Variants in RDH13 observed in about 807,000 individuals in gnomAD.
RDH13 encodes the protein retinol dehydrogenase 13 (all-trans and 9-cis).
A neutral mutation model predicts 28.3 loss-of-function variants in RDH13; 35 were observed. The ratio of observed to expected loss-of-function variants is 1.24; its 90% CI spans 0.95 to 1.64. The LOEUF (loss-of-function observed/expected upper bound fraction) is 1.64, where lower values mean the gene tolerates loss of function less well. Among genes scored for constraint, RDH13 ranks in the 40% most tolerant of loss-of-function variants. The pLI, the probability that RDH13 is intolerant of heterozygous loss-of-function variation, is 0.00. For synonymous variants in RDH13, 229 were observed against 198.5 expected (o/e 1.15, Z -1.29); for missense variants, 514 against 446.3 (o/e 1.15, Z -1.37).
At chr19:55,066,963 G>C (rs2075974630), upstream of RDH13, among the ~76,000 whole-genome samples, 1 of 152,190 alleles carries the variant, frequency 6.6e-6, no homozygotes, top group South Asian at 2.1e-4. Context: ...CAGATAAGCT[G>C]CCTCCACCAA....
intron 3 of RDH13, among the ~76,000 whole-genome samples, chr19:55,050,033 G>A (rs2075377091): frequency 6.6e-6 from 1 of 151,074 alleles, no homozygotes; most frequent in African/African-American, 2.4e-5. Flanking sequence ...TGTTGCCCAG[G>A]CTGGTCTCAA....
rs2075156354 is a variant in RDH13, at chr19:55,044,966, G to A, written c.*108C>T. 1.1e-5 allele frequency: 9 copies of A among 828,152 alleles called. No individual in the cohort carries two copies. Among genetic ancestry groups the A allele is most frequent in the Non-Finnish European group, 1.3e-5 (7 of 532,762 alleles). 51.3% of individuals were successfully genotyped at this position (828,152 alleles called of 1,614,324 possible). On this transcript the variant is annotated 3_prime_UTR_variant, in exon 7 of 7. Coordinates refer to ENST00000415061, the MANE Select transcript of RDH13 (RefSeq NM_001145971.2). ...AGAACCTACTGCGGGCATGGCGGCC[G>A]CCAGTCCTGGGTCTCCCGGCTCAGG...
At chr19:55,042,253 A>G (rs2075053159), downstream of RDH13, 4 of 152,048 alleles carry the variant, frequency 2.6e-5, no homozygotes, top group South Asian at 8.3e-4. Context: ...GTCCCACGCA[A>G]TGGGGTGTTT....
Position 55,056,693 on chromosome 19 carries a change from G to T in RDH13, c.300C>A (p.Ser100=). 6.2e-7 allele frequency: 1 copy of T among 1,613,978 alleles called. No homozygotes were observed. ...HVNARHLDLA[S]LKSIREFAAK... ...CTGCAAACTCTCGGATAGACTTGAG[G>T]GAAGCCAAGTCCAGGTGCCGGGCGT... The change falls in exon 3 of 7, where the codon TCC becomes TCA. Residue 100 remains serine, a synonymous_variant. Coordinates refer to ENST00000415061, the MANE Select transcript of RDH13 (RefSeq NM_001145971.2).
chr19:55,057,813 ATT>A (rs35480304), intron 2 of RDH13, among the ~76,000 whole-genome samples: 8 of 142,008 alleles, frequency 5.6e-5, no homozygotes, highest in Non-Finnish European at 6.1e-5. Context: ...GTTTATTATT[ATT>A]TTTTTTTTTT....
At chr19:55,052,418 C>G (rs2075476106) in intron 3 of RDH13, among the ~76,000 whole-genome samples, 1 of 151,422 alleles carries the variant, frequency 6.6e-6, no homozygotes, top group Non-Finnish European at 1.5e-5. Context: ...GTGGCGCATG[C>G]CTGTAATCCC....
At chr19:55,041,735 C>T (rs1161453456), downstream of RDH13, 6 of 152,260 alleles carry the variant, frequency 3.9e-5, no homozygotes, top group Non-Finnish European at 8.8e-5. Flanking sequence ...GCAGCCGGAC[C>T]TGTCCTCTGG....
Position 55,045,015 on chromosome 19 carries a change from G to A in RDH13, c.*59C>T. Reference sequence around the variant, plus strand: ...GGTAGTGCCAGGAAGCTGCGGGCATGGCGGACAGCTGTCCTCGGTCTGGAG... The same window carrying A: ...GGTAGTGCCAGGAAGCTGCGGGCATAGCGGACAGCTGTCCTCGGTCTGGAG... On this transcript the variant is annotated 3_prime_UTR_variant, in exon 7 of 7. Coordinates refer to ENST00000415061, the MANE Select transcript of RDH13 (RefSeq NM_001145971.2). 7.7e-7 allele frequency: 1 copy of A among 1,294,970 alleles called. No individual in the cohort carries two copies. Among genetic ancestry groups the A allele is most frequent in the Non-Finnish European group, 1.1e-6 (1 of 929,346 alleles). 80.2% of individuals were successfully genotyped at this position (1,294,970 alleles called of 1,614,324 possible). A position where few individuals can be genotyped will look rare whatever the true frequency, so the allele number is the denominator to read the frequency against.
chr19:55,047,071 AGGTGCAGCTGGTTTGG>A (rs1274249243), intron 6 of RDH13: 4 of 1,189,270 alleles, frequency 3.4e-6, no homozygotes, highest in East Asian at 6.6e-5. Flanking sequence ...CTTCCCCAGG[AGGTGCAGCTGGTTTGG>A]GGTGAAGCTG....
At chr19:55,050,815 G>C (rs762134692) in intron 3 of RDH13, 1 of 151,924 alleles carries the variant, frequency 6.6e-6, no homozygotes, top group Non-Finnish European at 1.5e-5. Flanking sequence ...CGGGGATCGT[G>C]AATTAGGTGT....
intron 3 of RDH13, among the ~76,000 whole-genome samples, chr19:55,052,644 C>T (rs2075485645): frequency 6.6e-6 from 1 of 151,322 alleles, no homozygotes; most frequent in African/African-American, 2.4e-5. Context: ...AAGTGCACAC[C>T]ATCACGCCTG....
chr19:55,055,080 C>G (rs2075587093), intron 3 of RDH13, among the ~76,000 whole-genome samples: 1 of 152,044 alleles, frequency 6.6e-6, no homozygotes, highest in Non-Finnish European at 1.5e-5. Flanking sequence ...ACACACAAAC[C>G]TATTATAAAC....
upstream of RDH13, chr19:55,067,061 A>G (rs1602855690): frequency 6.6e-6 from 1 of 152,216 alleles, no homozygotes; most frequent in African/African-American, 2.4e-5. Context: ...TTATATGGCC[A>G]TAGTAACTGG....
chr19:55,051,173 G>A (rs2075418870), intron 3 of RDH13, among the ~76,000 whole-genome samples: 1 of 152,216 alleles, frequency 6.6e-6, no homozygotes, highest in African/African-American at 2.4e-5. Context: ...CAGTGCAGCT[G>A]AGAGCCACTT....
chr19:55,041,174 C>T (rs1046746025), downstream of RDH13: 1 of 152,212 alleles, frequency 6.6e-6, no homozygotes, highest in Non-Finnish European at 1.5e-5. Context: ...TGGGGTTTCA[C>T]TATGTTGCCC....
Position 55,048,635 on chromosome 19 carries a change from G to A in RDH13, c.445+24C>T, listed in dbSNP as rs984381058. ...CGGGGGAGGATCGCTTGAACCCATG[G>A]TGCAGCCCCTGCCCAGGCCTCACCC... On this transcript the variant is annotated intron_variant, in intron 4 of 6. Coordinates refer to ENST00000415061, the MANE Select transcript of RDH13 (RefSeq NM_001145971.2). 1.9e-6 allele frequency: 3 copies of A among 1,612,318 alleles called. No homozygotes were observed. The African/African-American group carries it at 4.0e-5, about 22-fold the overall frequency.
Position 55,062,997 on chromosome 19 carries a change from GC to G in RDH13, c.35del (p.Gly12AlafsTer3). 1 of 1,471,924 alleles carries G rather than the reference GC, an allele frequency of 6.8e-7. No homozygotes were observed. 91.2% of individuals were successfully genotyped at this position (1,471,924 alleles called of 1,614,324 possible). On this transcript the variant is annotated frameshift_variant, in exon 1 of 7. Coordinates refer to ENST00000415061, the MANE Select transcript of RDH13 (RefSeq NM_001145971.2). LOFTEE classifies it high-confidence loss of function. ...SRYLLPLSAL[G>X]TVAGAAVLLK... is the part of the protein sequence containing the mutation. The stretch of plus-strand genomic sequence containing the variant: ...GCAGCACGGCGGCGCCTGCTACCGT[GC>G]CCAGCGCCGACAGCGGCAGCAGGTA...
chr19:55,064,205 G>A (rs1006949744), upstream of RDH13: 5 of 152,136 alleles, frequency 3.3e-5, no homozygotes, highest in Admixed American at 3.3e-4. Flanking sequence ...GATGGATCAC[G>A]AGGTCAGGAG....
chr19:55,063,174 A>C, upstream of RDH13: 1 of 717,066 alleles, frequency 1.4e-6, no homozygotes, highest in African/African-American at 1.8e-5. Context: ...CGCGTCCGGA[A>C]CTGGGCTGCG....
Sources: allele counts gnomAD v4.1 joint callset (sites outside exome capture counted in the v4.1 genomes callset), GRCh38; gene constraint gnomAD v4.1.1; transcripts MANE v1.5; gene names NCBI Gene and HGNC (gene_info 2026-07-23, HGNC 2026-07-21).